TRNAU1AP: variants seen among roughly 807,000 people sequenced by gnomAD.
TRNAU1AP encodes tRNA selenocysteine 1 associated protein 1.
TRNAU1AP carries 33 observed loss-of-function variants against 43.3 expected under a neutral mutation model. The ratio of observed to expected loss-of-function variants is 0.76; its 90% CI spans 0.58 to 1.02. TRNAU1AP has a LOEUF of 1.02. TRNAU1AP is among the 50% of genes least tolerant of loss of function. The pLI is 0.00. For synonymous variants in TRNAU1AP, 143 were observed against 129.1 expected (o/e 1.11, Z -0.73); for missense variants, 290 against 362.7 (o/e 0.80, Z 1.63).
intron 3 of TRNAU1AP, 77 bp downstream of exon 3, chr1:28,560,809 A>G: frequency 1.6e-6 from 2 of 1,213,324 alleles, no homozygotes; most frequent in South Asian, 2.7e-5. Flanking sequence ...TCCCTACTGT[A>G]TACTTATTTT....
intron 8 of TRNAU1AP, among the ~76,000 whole-genome samples, chr1:28,572,714 T>C (rs1191758275): frequency 1.3e-5 from 2 of 151,230 alleles, no homozygotes; most frequent in South Asian, 4.2e-4. Context: ...GCAGGTGGAT[T>C]GTGAGGTCAG....
At chr1:28,568,793 A>G (rs1665596297) in intron 6 of TRNAU1AP, among the ~76,000 whole-genome samples, 1 of 149,542 alleles carries the variant, frequency 6.7e-6, no homozygotes, top group African/African-American at 2.5e-5. Context: ...GAGAAACTCT[A>G]CCCTAAGAGT....
chr1:28,567,240 A>G, intron 5 of TRNAU1AP, 54 bp from the exon 6 acceptor site: 3 of 1,591,572 alleles, frequency 1.9e-6, no homozygotes, highest in East Asian at 2.3e-5. Context: ...TCATGTGTCC[A>G]TTCTTAGACT....
At position 28,567,307 on chromosome 1, in the gene TRNAU1AP, G is replaced by C. The variant is rs1490240106; in HGVS notation, c.424G>C (p.Val142Leu). The change falls in exon 6 of 9, where the codon GTG (valine) becomes CTG (leucine). Residue 142 changes from valine to leucine, a missense_variant. Transcript: ENST00000373830. ...QTGVSKGYGF[V>L]KFTDELEQKR... ...TTTTTCATGCAGGGGTTATGGTTTT[G>C]TGAAATTCACAGATGAACTGGAACA... 1 of 1,612,616 alleles carries C rather than the reference G, an allele frequency of 6.2e-7. No homozygotes were observed. The highest frequency in any genetic ancestry group is 8.5e-7 in the Non-Finnish European group (1 of 1,179,660).
chr1:28,553,676 G>A lies in TRNAU1AP; in HGVS notation c.64G>A (p.Ala22Thr). The stretch of plus-strand genomic sequence containing the variant: ...CATGGATGAGAACTTCATCTCCAGA[G>A]CCTTTGCCACCATGGGGGAGACCGT... ...PYMDENFISR[A>T]FATMGETVMS... is the part of the protein sequence containing the mutation. The change falls in exon 2 of 9, where the codon GCC becomes ACC. Residue 22 changes from alanine (A) to threonine (T), a missense_variant. By Grantham distance (58) the Ala-to-Thr change is moderately conservative (BLOSUM62 0). Coordinates refer to ENST00000373830, the MANE Select transcript of TRNAU1AP (RefSeq NM_017846.5). 2 of 1,614,180 alleles carry A rather than the reference G, an allele frequency of 1.2e-6. No individual in the cohort carries two copies. The highest frequency in any genetic ancestry group is 1.7e-6 in the Non-Finnish European group (2 of 1,180,048).
chr1:28,556,052 A>C (rs1049763103), intron 2 of TRNAU1AP, among the ~76,000 whole-genome samples: 1 of 151,966 alleles, frequency 6.6e-6, no homozygotes, highest in African/African-American at 2.4e-5. Context: ...ATGGGGTTTC[A>C]CCATGTTAGC....
intron 2 of TRNAU1AP, among the ~76,000 whole-genome samples, chr1:28,558,741 A>T (rs899684687): frequency 8.6e-5 from 13 of 151,008 alleles, no homozygotes; most frequent in African/African-American, 3.2e-4. Flanking sequence ...ATTTTTTTGC[A>T]TTTTTAGTAG....
intron 6 of TRNAU1AP, among the ~76,000 whole-genome samples, chr1:28,567,929 T>C (rs908404702): frequency 6.6e-6 from 1 of 152,046 alleles, no homozygotes; most frequent in Non-Finnish European, 1.5e-5. Context: ...TTTGGGAGGC[T>C]GAGGTGGGCG....
intron 3 of TRNAU1AP, 174 bp downstream of exon 3, chr1:28,560,906 T>A: frequency 3.4e-6 from 3 of 871,986 alleles, no homozygotes; most frequent in Non-Finnish European, 5.0e-6. Context: ...AAATAACTTG[T>A]CCAAGGCAAC....
intron 8 of TRNAU1AP, among the ~76,000 whole-genome samples, chr1:28,576,076 G>T (rs1448479209): frequency 7.0e-6 from 1 of 143,812 alleles, no homozygotes; most frequent in African/African-American, 2.6e-5. Context: ...GCCCAGGATG[G>T]TCTCAATCCC....
Position 28,561,345 on chromosome 1 carries a change from G to A in TRNAU1AP, c.226-1G>A. On this transcript the variant is annotated splice_acceptor_variant, in intron 3 of 8. Transcript: ENST00000373830. LOFTEE classifies it high-confidence loss of function. The stretch of plus-strand genomic sequence containing the variant: ...TAGTTTGTTTGTTTTTCAACTTCCA[G>A]GCGAAACGTTTTAAACTGAACTATG... The A allele has an allele frequency of 6.2e-7, 1 of 1,614,112 alleles. No individual in the cohort carries two copies. Among genetic ancestry groups the A allele is most frequent in the East Asian group, 2.2e-5 (1 of 44,884 alleles).
chr1:28,568,158 C>T (rs915461881), intron 6 of TRNAU1AP, among the ~76,000 whole-genome samples: 4 of 152,082 alleles, frequency 2.6e-5, no homozygotes, highest in Non-Finnish European at 4.4e-5. Context: ...AGCAAGACTC[C>T]GTCTCAAATA....
At chr1:28,567,524 C>T (rs977640833) in intron 6 of TRNAU1AP, 111 bp downstream of exon 6, 4 of 1,288,750 alleles carry the variant, frequency 3.1e-6, no homozygotes, top group Non-Finnish European at 3.1e-6. Context: ...GAAGGGGATC[C>T]AATTCAAGTC....
At chr1:28,561,095 A>G in intron 3 of TRNAU1AP, 1 of 1,384,620 alleles carries the variant, frequency 7.2e-7, no homozygotes, top group Non-Finnish European at 9.3e-7. Flanking sequence ...AGAGAGTTGC[A>G]TTCTGCTCTT....
chr1:28,556,661 G>A (rs368879272), intron 2 of TRNAU1AP, among the ~76,000 whole-genome samples: 11 of 151,926 alleles, frequency 7.2e-5, no homozygotes, highest in African/African-American at 2.4e-4. Flanking sequence ...ACAAGCACCT[G>A]CCACCACGCC....
chr1:28,558,230 T>C (rs1665319736), intron 2 of TRNAU1AP, among the ~76,000 whole-genome samples: 1 of 147,838 alleles, frequency 6.8e-6, no homozygotes, highest in South Asian at 2.2e-4. Context: ...TTTTTTTTTT[T>C]TTTTGAGATG....
At chr1:28,553,245 G>A in intron 1 of TRNAU1AP, 108 bp downstream of exon 1, 4 of 1,213,586 alleles carry the variant, frequency 3.3e-6, no homozygotes, top group South Asian at 3.3e-5. Context: ...AAGGGGAGAC[G>A]TGTGACGGGG....
intron 6 of TRNAU1AP, among the ~76,000 whole-genome samples, chr1:28,569,831 CAAAA>C (rs760723401): frequency 9.4e-6 from 1 of 106,372 alleles, no homozygotes; most frequent in Non-Finnish European, 2.0e-5. Context: ...CTAAAAATAC[CAAAA>C]AAAAAAAAAA....
rs1665866882 is a variant in TRNAU1AP, at chr1:28,578,452, G to A, written c.*816G>A. The A allele has an allele frequency of 3.7e-6, 1 of 268,708 alleles. No individual in the cohort carries two copies. The allele number at this position is 268,708 out of a possible 1,614,324, so 16.6% of individuals were successfully genotyped here. ...TCTCCAAAGATCTCTTTAAGGGCTG[G>A]GCATGGTGGCTCACTTTGGGAGATG... On this transcript the variant is annotated 3_prime_UTR_variant, in exon 9 of 9. Transcript: ENST00000373830.
Sources: allele counts gnomAD v4.1 joint callset (sites outside exome capture counted in the v4.1 genomes callset), GRCh38; gene constraint gnomAD v4.1.1; transcripts MANE v1.5; gene names NCBI Gene and HGNC (gene_info 2026-07-23, HGNC 2026-07-21).